Variants in CELF2 observed in about 807,000 individuals in gnomAD.
CELF2 encodes the protein CUGBP Elav-like family member 2.
A neutral mutation model predicts 62.6 loss-of-function variants in CELF2; 8 were observed. The ratio of observed to expected loss-of-function variants is 0.13; its 90% CI spans 0.07 to 0.23. The LOEUF is 0.23. Ranked by LOEUF, CELF2 falls within the 10% of genes least tolerant of loss-of-function variation. The pLI is 1.00. For missense variants in CELF2, 333 were observed against 671.0 expected, an observed-to-expected ratio of 0.50 and a Z score of 5.56; for synonymous variants, 258 against 250.0, an observed-to-expected ratio of 1.03 and a Z score of -0.30.
At chr10:10,609,671 T>C in the CELF2 span, among the ~76,000 whole-genome samples, 17 of 152,336 alleles carry the variant, frequency 1.1e-4, no homozygotes, top group East Asian at 3.1e-3. Flanking sequence ...GAACAGATAA[T>C]TGGCTTCCTA....
the CELF2 span, chr10:10,776,492 T>G: frequency 6.5e-6 from 1 of 154,162 alleles, no homozygotes; most frequent in Middle Eastern, 2.0e-3. Flanking sequence ...GAAAAATTCA[T>G]TCATCCCCAG....
intron 1 of CELF2, 49 bp downstream of exon 1, chr10:11,018,212 A>C: frequency 6.8e-7 from 1 of 1,463,644 alleles, no homozygotes; most frequent in Non-Finnish European, 9.1e-7. Flanking sequence ...TCCTCCTCCC[A>C]GAGTCGGCGG....
At chr10:10,836,095 TG>T (rs1186626580) in intron 1 of CELF2, among the ~76,000 whole-genome samples, 1 of 151,788 alleles carries the variant, frequency 6.6e-6, no homozygotes, top group Non-Finnish European at 1.5e-5. Flanking sequence ...TCTATAAGAG[TG>T]GAACTTAGAG....
chr10:10,794,228 C>T (rs559519322), upstream of CELF2, among the ~76,000 whole-genome samples: 13 of 152,106 alleles, frequency 8.5e-5, no homozygotes, highest in South Asian at 2.1e-3. Context: ...AATTTTGGCA[C>T]GTTAACAAGA....
At chr10:10,889,382 A>G (rs2061979197) in intron 1 of CELF2, among the ~76,000 whole-genome samples, 1 of 152,232 alleles carries the variant, frequency 6.6e-6, no homozygotes, top group Non-Finnish European at 1.5e-5. Context: ...ATGATACAAA[A>G]CAGTGATAAA....
chr10:10,922,093 C>T (rs1286917785), intron 2 of CELF2, among the ~76,000 whole-genome samples: 1 of 148,008 alleles, frequency 6.8e-6, no homozygotes, highest in Non-Finnish European at 1.5e-5. Flanking sequence ...AAAATCTTTG[C>T]TTATAGGATC....
At chr10:11,016,957 A>G (rs578031547), upstream of CELF2, among the ~76,000 whole-genome samples, 5 of 152,380 alleles carry the variant, frequency 3.3e-5, no homozygotes, top group South Asian at 6.2e-4. This position sits in a 1 kb window ranked among gnomAD's most constrained non-coding sequence, Gnocchi z 5.2. Flanking sequence ...AATGTGAAAT[A>G]TGCCATGAAG....
the CELF2 span, among the ~76,000 whole-genome samples, chr10:10,594,245 T>G: frequency 6.6e-6 from 1 of 152,136 alleles, no homozygotes; most frequent in Non-Finnish European, 1.5e-5. Context: ...CTAGCTTAGG[T>G]GACTGGTGGA....
Position 11,181,044 on chromosome 10 carries a change from G to A in CELF2, c.271+15362G>A, listed in dbSNP as rs201474756. Among the ~76,000 whole-genome samples, 71 of 152,168 alleles carry A rather than the reference G, an allele frequency of 4.7e-4. No homozygotes were observed. In the East Asian group the frequency reaches 5.0e-3, roughly 11 times the overall value. Reference sequence around the variant, plus strand: ...GCCAGTATGCCCTGCTAATTTTTGTGTTTTTAGTAGAGGTGGGGTTTTGCC... The same window carrying A: ...GCCAGTATGCCCTGCTAATTTTTGTATTTTTAGTAGAGGTGGGGTTTTGCC... On this transcript the variant is annotated intron_variant, in intron 2 of 12. Coordinates refer to ENST00000633077, the MANE Select transcript of CELF2 (RefSeq NM_001326342.2).
At chr10:10,981,805 A>T (rs2052142709) in intron 2 of CELF2, among the ~76,000 whole-genome samples, 1 of 152,190 alleles carries the variant, frequency 6.6e-6, no homozygotes, top group Non-Finnish European at 1.5e-5. Flanking sequence ...TCAATTAGGC[A>T]GGTAAAATAA....
intron 1 of CELF2, among the ~76,000 whole-genome samples, chr10:11,062,693 T>C (rs61830418): frequency 0.023 from 3,546 of 152,312 alleles, 71 homozygotes; most frequent in South Asian, 0.049. Flanking sequence ...TTTCTGGAGA[T>C]GGACACCTGG....
intron 4 of CELF2, among the ~76,000 whole-genome samples, chr10:11,254,817 G>A (rs1033076158): frequency 3.3e-5 from 5 of 152,058 alleles, no homozygotes; most frequent in Non-Finnish European, 5.9e-5. Flanking sequence ...TTTGCTGGGG[G>A]TAGGAGTCTC....
the CELF2 span, among the ~76,000 whole-genome samples, chr10:10,685,175 T>C: frequency 6.6e-6 from 1 of 152,212 alleles, no homozygotes; most frequent in Non-Finnish European, 1.5e-5. Context: ...GGGCCAGAAG[T>C]ATACAGAGCG....
At chr10:10,542,591 A>G in the CELF2 span, among the ~76,000 whole-genome samples, 2 of 152,202 alleles carry the variant, frequency 1.3e-5, no homozygotes, top group Non-Finnish European at 2.9e-5. Flanking sequence ...TGGAATAGGG[A>G]AGCCGCACAG....
At chr10:11,126,637 C>T (rs1018877081) in intron 1 of CELF2, among the ~76,000 whole-genome samples, 9 of 152,144 alleles carry the variant, frequency 5.9e-5, no homozygotes, top group Non-Finnish European at 1.3e-4. Flanking sequence ...CAAATCAGTG[C>T]TGTCAATATA....
intron 3 of CELF2, among the ~76,000 whole-genome samples, chr10:11,226,516 G>A (rs978860560): frequency 1.3e-5 from 2 of 152,160 alleles, no homozygotes; most frequent in Admixed American, 6.5e-5. Flanking sequence ...GCAGGACCAT[G>A]ACAGTTCTGG....
chr10:10,852,178 C>G (rs2059422505), intron 1 of CELF2, among the ~76,000 whole-genome samples: 1 of 152,066 alleles, frequency 6.6e-6, no homozygotes, highest in African/African-American at 2.4e-5. Flanking sequence ...CTGTATTAGC[C>G]CAAACTGGAA....
chr10:11,129,836 A>G (rs144026287), intron 1 of CELF2, among the ~76,000 whole-genome samples: 5,665 of 152,188 alleles, frequency 0.037, 130 homozygotes, highest in Middle Eastern at 0.048. Flanking sequence ...TCCTGGATTC[A>G]TTGATTTTTG....
chr10:11,041,229 C>G (rs1318254192), intron 1 of CELF2, among the ~76,000 whole-genome samples: 2 of 152,212 alleles, frequency 1.3e-5, no homozygotes, highest in Non-Finnish European at 2.9e-5. Context: ...CCCAAAGGCC[C>G]CACTTCCTAA....
Sources: gnomAD v4.1 joint callset for allele counts (sites outside exome capture counted in the v4.1 genomes callset) on GRCh38, gnomAD v4.1.1 for gene constraint, Gnocchi (gnomAD v3.1) non-coding constraint, MANE v1.5 for transcripts, NCBI Gene and HGNC (gene_info 2026-07-23, HGNC 2026-07-21) for gene names.